The following ABHD6 variants were observed in gnomAD, a reference collection of about 807,000 sequenced individuals.
ABHD6 encodes monoacylglycerol lipase ABHD6.
In ABHD6, 33 loss-of-function variants were observed where a neutral mutation model predicts 38.8. The observed-to-expected ratio is 0.85, with a 90% confidence interval of 0.64 to 1.14. The LOEUF is 1.14. Ranked by LOEUF, ABHD6 falls within the 50% of genes most tolerant of loss-of-function variation. The pLI is 0.00. For missense variants in ABHD6, 380 were observed against 422.6 expected (o/e 0.90, Z 0.88); for synonymous variants, 147 against 161.6 (o/e 0.91, Z 0.69).
intron 7 of ABHD6, among the ~76,000 whole-genome samples, chr3:58,279,855 G>GT (rs2097451646): frequency 6.6e-6 from 1 of 152,122 alleles, no homozygotes; most frequent in East Asian, 1.9e-4. Flanking sequence ...ATGAAGCTTA[G>GT]TTTGGCTGGA....
intron 1 of ABHD6, among the ~76,000 whole-genome samples, chr3:58,244,562 C>T (rs1204286642): frequency 1.3e-5 from 2 of 151,954 alleles, no homozygotes; most frequent in Non-Finnish European, 2.9e-5. Flanking sequence ...GCCAGGGGTT[C>T]GAGAACAGCC....
At position 58,287,248 on chromosome 3, in the gene ABHD6, C is replaced by G. The variant is rs563425337; in HGVS notation, c.837+1795C>G. Among the ~76,000 whole-genome samples, 4 of 152,200 alleles carry G rather than the reference C, an allele frequency of 2.6e-5. No homozygotes were observed. Among genetic ancestry groups the G allele is most frequent in the Admixed American group, 2.6e-4 (4 of 15,296 alleles). On this transcript the variant is annotated intron_variant, in intron 9 of 9. Coordinates refer to ENST00000478253, the MANE Select transcript of ABHD6 (RefSeq NM_001320126.2). The surrounding 1 kb of genome is among the most constrained non-coding windows in gnomAD (Gnocchi z 4.7). Reference sequence around the variant, plus strand: ...GCAGTGAGCCGTGATTGCTTCACTGCACACCAGCCTGGGCCACAGGGCGGG... The same window carrying G: ...GCAGTGAGCCGTGATTGCTTCACTGGACACCAGCCTGGGCCACAGGGCGGG...
chr3:58,249,582 G>C (rs1359825175), intron 1 of ABHD6, among the ~76,000 whole-genome samples: 1 of 152,172 alleles, frequency 6.6e-6, no homozygotes, highest in African/African-American at 2.4e-5. Context: ...TTTAACTATC[G>C]TTCCATGCTT....
chr3:58,274,425 A>G (rs1474799494), intron 6 of ABHD6, among the ~76,000 whole-genome samples: 1 of 152,208 alleles, frequency 6.6e-6, no homozygotes, highest in Non-Finnish European at 1.5e-5. Context: ...CTCCTGGTCC[A>G]TGGACTACAG....
chr3:58,280,957 T>G (rs567825588), intron 7 of ABHD6, among the ~76,000 whole-genome samples: 1 of 152,306 alleles, frequency 6.6e-6, no homozygotes, highest in South Asian at 2.1e-4. Context: ...GCCTGATCCT[T>G]CCTCTGGAAG....
At position 58,273,372 on chromosome 3, in the gene ABHD6, G is replaced by A. The variant is rs1380620413; in HGVS notation, c.524-1286G>A. On this transcript the variant is annotated intron_variant, in intron 6 of 9. Transcript: ENST00000478253. This position sits in a 1 kb window ranked among gnomAD's most constrained non-coding sequence, Gnocchi z 4.8. The stretch of plus-strand genomic sequence containing the variant: ...GCCAGGAGTTCAAGACCAGCCTAAG[G>A]GAGACCCCATCTCTGCAAAAATATA... Among the ~76,000 whole-genome samples, 1 of 151,778 alleles carries A rather than the reference G, an allele frequency of 6.6e-6. No homozygotes were observed. The highest frequency in any genetic ancestry group is 1.5e-5 in the Non-Finnish European group (1 of 67,964).
chr3:58,258,224 CTGATCCT>C, intron 3 of ABHD6, among the ~76,000 whole-genome samples: 1 of 152,060 alleles, frequency 6.6e-6, no homozygotes, highest in Non-Finnish European at 1.5e-5. Flanking sequence ...GGAGAATCGC[CTGATCCT>C]GGGAGGTGGA....
At chr3:58,278,316 T>C (rs1161697261) in intron 7 of ABHD6, among the ~76,000 whole-genome samples, 1 of 152,262 alleles carries the variant, frequency 6.6e-6, no homozygotes, top group Non-Finnish European at 1.5e-5. Flanking sequence ...AACTTCTTCC[T>C]GGTTTAGTCT....
intron 3 of ABHD6, among the ~76,000 whole-genome samples, chr3:58,264,427 A>ATG (rs1466501398): frequency 2.2e-5 from 3 of 139,382 alleles, no homozygotes; most frequent in Non-Finnish European, 4.5e-5. Flanking sequence ...ACACACACAC[A>ATG]CACACACACA....
chr3:58,261,390 G>C (rs927921591), intron 3 of ABHD6, among the ~76,000 whole-genome samples: 1 of 152,152 alleles, frequency 6.6e-6, no homozygotes, highest in East Asian at 1.9e-4. Context: ...CAGCACTTTG[G>C]GAGGCAGAGG....
chr3:58,257,279 T>C lies in ABHD6; in HGVS notation c.119+574T>C, dbSNP rs1212468489. 6.6e-6 allele frequency among the ~76,000 whole-genome samples: 1 copy of C among 152,142 alleles called. No individual in the cohort carries two copies. The highest frequency in any genetic ancestry group is 1.9e-4 in the East Asian group (1 of 5,188). ...AGTGATTCTGTCTTCAAGCAAGAATTGTACATTTTTATGGGAACTCCTTTG... is the reference window on the plus strand; with the variant it reads ...AGTGATTCTGTCTTCAAGCAAGAATCGTACATTTTTATGGGAACTCCTTTG... On this transcript the variant is annotated intron_variant, in intron 3 of 9. Coordinates refer to ENST00000478253, the MANE Select transcript of ABHD6 (RefSeq NM_001320126.2). This position sits in a 1 kb window ranked among gnomAD's most constrained non-coding sequence, Gnocchi z 4.8.
intron 9 of ABHD6, among the ~76,000 whole-genome samples, chr3:58,289,730 T>C (rs1337049325): frequency 1.3e-5 from 2 of 152,164 alleles, no homozygotes; most frequent in East Asian, 1.9e-4. Flanking sequence ...CATCATGGCC[T>C]ATTCTCAATG....
In ABHD6 at chr3:58,257,236, A is replaced by G. The variant is rs1262894308; in HGVS notation, c.119+531A>G. 6.6e-6 allele frequency among the ~76,000 whole-genome samples: 1 copy of G among 151,710 alleles called. No individual in the cohort carries two copies. ...TAGGTTTCTGATAGCATCTTTCTCC[A>G]CCCACATTCCCAAAGTCAGTGATTC... is the stretch of plus-strand genomic sequence containing the variant. On this transcript the variant is annotated intron_variant, in intron 3 of 9. Transcript: ENST00000478253. The surrounding 1 kb of genome is among the most constrained non-coding windows in gnomAD (Gnocchi z 4.8).
In ABHD6 at chr3:58,285,278, ACTAT is replaced by A; in HGVS notation, c.737-73_737-70del. 1 of 1,540,920 alleles carries A rather than the reference ACTAT, an allele frequency of 6.5e-7. No individual in the cohort carries two copies. Among genetic ancestry groups the A allele is most frequent in the Non-Finnish European group, 9.0e-7 (1 of 1,113,966 alleles). On this transcript the variant is annotated intron_variant, in intron 8 of 9. Coordinates refer to ENST00000478253, the MANE Select transcript of ABHD6 (RefSeq NM_001320126.2). This position sits in a 1 kb window ranked among gnomAD's most constrained non-coding sequence, Gnocchi z 4.9. ...AGGAAGTGGTGGCCTGGATCTGGTG[ACTAT>A]CCCTTGATTCTGCGGTGGTGCCACA...
At position 58,274,807 on chromosome 3, in the gene ABHD6, C is replaced by T; in HGVS notation, c.673C>T (p.Pro225Ser). 2 of 1,613,320 alleles carry T rather than the reference C, an allele frequency of 1.2e-6. No homozygotes were observed. Among genetic ancestry groups the T allele is most frequent in the Non-Finnish European group, 1.7e-6 (2 of 1,179,588 alleles). The change falls in exon 7 of 10, where the codon CCC becomes TCC. Residue 225 changes from proline (P) to serine (S), a missense_variant. Pro to Ser is a moderately conservative substitution (Grantham distance 74, BLOSUM62 -1). Coordinates refer to ENST00000478253, the MANE Select transcript of ABHD6 (RefSeq NM_001320126.2). ...QLCSYVRFKV[P>S]QQILQGLVDV... Reference sequence around the variant, plus strand: ...CTGCTCCTATGTCCGCTTCAAGGTGCCCCAGCAGGTAACGTGGTTGCAGCA... The same window carrying T: ...CTGCTCCTATGTCCGCTTCAAGGTGTCCCAGCAGGTAACGTGGTTGCAGCA...
At chr3:58,284,175 G>A (rs533990516) in intron 7 of ABHD6, among the ~76,000 whole-genome samples, 2 of 152,202 alleles carry the variant, frequency 1.3e-5, no homozygotes, top group South Asian at 4.2e-4. Context: ...TACCTCTTTG[G>A]GTCAGTAGCC....
intron 2 of ABHD6, among the ~76,000 whole-genome samples, chr3:58,255,702 T>A (rs1313404652): frequency 1.3e-5 from 2 of 152,106 alleles, no homozygotes; most frequent in Non-Finnish European, 2.9e-5. Flanking sequence ...TAGAGTGCAA[T>A]GGCACAATCT....
intron 4 of ABHD6, among the ~76,000 whole-genome samples, chr3:58,268,867 G>A (rs2097442826): frequency 6.6e-6 from 1 of 152,170 alleles, no homozygotes. Flanking sequence ...CCAGAATCGG[G>A]GTGATCAGAT....
At position 58,274,764 on chromosome 3, in the gene ABHD6, G is replaced by A. The variant is rs2097447579; in HGVS notation, c.630G>A (p.Met210Ile). 6.2e-7 allele frequency: 1 copy of A among 1,614,126 alleles called. No homozygotes were observed. The change falls in exon 7 of 10, where the codon ATG becomes ATA. Residue 210 changes from methionine (M) to isoleucine (I), a missense_variant. Physicochemically the swap from Met to Ile is conservative, Grantham distance 10 (BLOSUM62 1). Coordinates refer to ENST00000478253, the MANE Select transcript of ABHD6 (RefSeq NM_001320126.2). The stretch of plus-strand genomic sequence containing the variant: ...TGATCCCGTCTACCCCAGAAGAGAT[G>A]AGTGAAATGCTTCAGCTCTGCTCCT... ...IPLIPSTPEE[M>I]SEMLQLCSYV... is the part of the protein sequence containing the mutation.
Sources: gnomAD v4.1 joint callset for allele counts (sites outside exome capture counted in the v4.1 genomes callset) on GRCh38, gnomAD v4.1.1 for gene constraint, Gnocchi (gnomAD v3.1) non-coding constraint, MANE v1.5 for transcripts, NCBI Gene and HGNC (gene_info 2026-07-23, HGNC 2026-07-21) for gene names.